TMTC2: variants seen among roughly 807,000 people sequenced by gnomAD.
The protein encoded by TMTC2 is transmembrane O-mannosyltransferase targeting cadherins 2.
A neutral mutation model predicts 82.4 loss-of-function variants in TMTC2; 43 were observed. That is an observed-to-expected ratio of 0.52 (90% confidence interval 0.41 to 0.67). TMTC2 has a LOEUF of 0.67. Ranked by LOEUF, TMTC2 falls within the 30% of genes least tolerant of loss-of-function variation. The pLI is 0.00. For missense variants in TMTC2, 919 were observed against 1,012.4 expected (o/e 0.91, Z 1.25); for synonymous variants, 408 against 381.9 (o/e 1.07, Z -0.80).
chr12:82,824,791 A>G (rs1869313357), intron 1 of TMTC2, among the ~76,000 whole-genome samples: 1 of 152,256 alleles, frequency 6.6e-6, no homozygotes, highest in South Asian at 2.1e-4. Flanking sequence ...AAAATCATCT[A>G]TTAAAAATAT....
intron 1 of TMTC2, among the ~76,000 whole-genome samples, chr12:82,760,516 A>G (rs1429374176): frequency 9.0e-6 from 1 of 110,522 alleles, no homozygotes; most frequent in African/African-American, 3.5e-5. Context: ...GCAGATTTGT[A>G]GTTAGAAGCT....
intron 2 of TMTC2, among the ~76,000 whole-genome samples, chr12:82,875,677 C>T (rs1872448339): frequency 6.6e-6 from 1 of 152,016 alleles, no homozygotes; most frequent in Non-Finnish European, 1.5e-5. Context: ...ATAAAGGAAG[C>T]CCAAGTAAGC....
chr12:82,910,732 CT>C (rs1874592626), intron 3 of TMTC2, among the ~76,000 whole-genome samples: 1 of 152,194 alleles, frequency 6.6e-6, no homozygotes, highest in Admixed American at 6.5e-5. Context: ...TCCGGCCAAA[CT>C]CTGCCTCATT....
chr12:82,871,113 A>G (rs1453082600), intron 2 of TMTC2, among the ~76,000 whole-genome samples: 1 of 152,182 alleles, frequency 6.6e-6, no homozygotes, highest in African/African-American at 2.4e-5. Context: ...TGTGCTAGCA[A>G]TGTGTCTTCT....
At chr12:82,992,875 T>TA (rs1565842822) in intron 8 of TMTC2, among the ~76,000 whole-genome samples, 2 of 152,296 alleles carry the variant, frequency 1.3e-5, no homozygotes, top group African/African-American at 4.8e-5. Context: ...TCAGGAGCAA[T>TA]AAAAATTAAA....
intron 1 of TMTC2, among the ~76,000 whole-genome samples, chr12:82,741,180 T>C (rs886813803): frequency 5.3e-5 from 8 of 152,250 alleles, no homozygotes; most frequent in African/African-American, 9.6e-5. Context: ...ACACATACTT[T>C]TCAATATAAA....
intron 11 of TMTC2, among the ~76,000 whole-genome samples, chr12:83,079,427 C>T (rs1883390598): frequency 6.6e-6 from 1 of 152,128 alleles, no homozygotes; most frequent in African/African-American, 2.4e-5. Context: ...GCATTTTCCA[C>T]TATAATTCCA....
chr12:82,777,957 C>T (rs943655077), intron 1 of TMTC2, among the ~76,000 whole-genome samples: 5 of 152,072 alleles, frequency 3.3e-5, no homozygotes, highest in Non-Finnish European at 7.4e-5. Flanking sequence ...GGGGGCTGTA[C>T]CTCATAATCT....
At chr12:82,689,030 A>C (rs1171359010) in intron 1 of TMTC2, among the ~76,000 whole-genome samples, 1 of 152,242 alleles carries the variant, frequency 6.6e-6, no homozygotes, top group Non-Finnish European at 1.5e-5. Flanking sequence ...ACTGTTAGAC[A>C]TACATTTTTT....
chr12:82,785,552 A>G (rs952457721), intron 1 of TMTC2, among the ~76,000 whole-genome samples: 28 of 152,090 alleles, frequency 1.8e-4, no homozygotes, highest in African/African-American at 6.8e-4. Flanking sequence ...AGCAAAATAT[A>G]TGTCCATTCA....
chr12:82,917,671 G>T (rs1485014883), intron 3 of TMTC2, among the ~76,000 whole-genome samples: 1 of 141,534 alleles, frequency 7.1e-6, no homozygotes, highest in South Asian at 2.3e-4. Context: ...GTACCATTTC[G>T]TCTCACTGCA....
At chr12:82,884,408 T>A (rs888541792) in intron 2 of TMTC2, among the ~76,000 whole-genome samples, 2 of 152,350 alleles carry the variant, frequency 1.3e-5, no homozygotes, top group East Asian at 3.9e-4. Context: ...AGTGACTATG[T>A]TGAGTTATCC....
At chr12:83,052,258 T>TG (rs1312853607) in intron 10 of TMTC2, among the ~76,000 whole-genome samples, 1 of 152,042 alleles carries the variant, frequency 6.6e-6, no homozygotes, top group African/African-American at 2.4e-5. Flanking sequence ...TTAAGATGAT[T>TG]GTAGATTCAC....
chr12:82,693,986 A>AG (rs1872687652), intron 1 of TMTC2, among the ~76,000 whole-genome samples: 1 of 151,768 alleles, frequency 6.6e-6, no homozygotes, highest in African/African-American at 2.4e-5. Flanking sequence ...AAAAAAAAAA[A>AG]AAAAAGGTGT....
chr12:82,859,723 T>G (rs1314399398), intron 2 of TMTC2, among the ~76,000 whole-genome samples: 3 of 152,082 alleles, frequency 2.0e-5, no homozygotes, highest in African/African-American at 7.2e-5. Context: ...GTTCCCCATG[T>G]TAAGAGAAAG....
intron 11 of TMTC2, among the ~76,000 whole-genome samples, chr12:83,093,879 C>T (rs1039777553): frequency 1.2e-4 from 18 of 152,178 alleles, no homozygotes; most frequent in Non-Finnish European, 2.5e-4. Context: ...CCTTCATGGA[C>T]TTTTGAACCT....
chr12:83,012,617 A>G (rs1880509441), intron 8 of TMTC2, among the ~76,000 whole-genome samples: 1 of 152,180 alleles, frequency 6.6e-6, no homozygotes, highest in Non-Finnish European at 1.5e-5. Flanking sequence ...ATGAAAAAAC[A>G]CAAAATTTAT....
intron 8 of TMTC2, among the ~76,000 whole-genome samples, chr12:83,024,043 G>A (rs1881053935): frequency 6.6e-6 from 1 of 152,264 alleles, no homozygotes; most frequent in African/African-American, 2.4e-5. Context: ...AGAATATGGT[G>A]ACTGTACTTA....
At chr12:82,853,735 A>G (rs945427183) in intron 1 of TMTC2, among the ~76,000 whole-genome samples, 9 of 152,126 alleles carry the variant, frequency 5.9e-5, no homozygotes, top group Admixed American at 5.9e-4. Context: ...AGTTTTTCTC[A>G]CTGCCTTGAC....
Sources: allele counts gnomAD v4.1 joint callset (sites outside exome capture counted in the v4.1 genomes callset), GRCh38; gene constraint gnomAD v4.1.1; transcripts MANE v1.5; gene names NCBI Gene and HGNC (gene_info 2026-07-23, HGNC 2026-07-21).